SORL1: variants seen among roughly 807,000 people sequenced by gnomAD.
SORL1 encodes the protein sortilin-related receptor.
A neutral mutation model predicts 273.7 loss-of-function variants in SORL1; 127 were observed. The ratio of observed to expected loss-of-function variants is 0.46; its 90% CI spans 0.40 to 0.54. The LOEUF is 0.54. Among genes scored for constraint, SORL1 ranks in the 20% least tolerant of loss-of-function variants. The pLI is 0.00. For synonymous variants in SORL1, 1,031 were observed against 1,067.4 expected (o/e 0.97, Z 0.66); for missense variants, 2,494 against 2,846.1 (o/e 0.88, Z 2.81).
intron 3 of SORL1, 92 bp downstream of exon 3, chr11:121,478,335 C>T (rs558523270): frequency 4.0e-5 from 56 of 1,388,820 alleles, no homozygotes; most frequent in Non-Finnish European, 4.8e-5. Flanking sequence ...AGATGGCGCT[C>T]TCTGTGATCT....
intron 40 of SORL1, 41 bp from the exon 41 acceptor site, chr11:121,614,830 C>A: frequency 1.3e-6 from 2 of 1,563,866 alleles, no homozygotes; most frequent in South Asian, 2.2e-5. Context: ...TGACTAACAC[C>A]CCCAACTTCC....
At chr11:121,522,006 TC>T (rs1277305857) in intron 9 of SORL1, among the ~76,000 whole-genome samples, 1 of 152,218 alleles carries the variant, frequency 6.6e-6, no homozygotes, top group African/African-American at 2.4e-5. Flanking sequence ...CCAGACTGAA[TC>T]GCTTGAAGCC....
chr11:121,586,705 CGGGGGGGGG>C (rs55663874), intron 27 of SORL1, among the ~76,000 whole-genome samples: 4 of 102,130 alleles, frequency 3.9e-5, no homozygotes, highest in Non-Finnish European at 7.8e-5. Flanking sequence ...GGGGGGGGGG[CGGGGGGGGG>C]GCATTTTTAG....
intron 6 of SORL1, among the ~76,000 whole-genome samples, chr11:121,509,296 C>T (rs557758860): frequency 2.0e-5 from 3 of 152,216 alleles, no homozygotes; most frequent in South Asian, 4.1e-4. Context: ...AGCTGCCATG[C>T]AACTTTCAGT....
At chr11:121,615,088 G>A (rs753658677) in intron 41 of SORL1, 33 bp downstream of exon 41, 2 of 1,544,626 alleles carry the variant, frequency 1.3e-6, no homozygotes, top group Admixed American at 4.1e-5. Flanking sequence ...CACAAAGTGA[G>A]TGTGGACTGT....
chr11:121,550,519 A>G lies in SORL1; in HGVS notation c.2181-66A>G. The stretch of plus-strand genomic sequence containing the variant: ...GGCCGTGGGTAGTAAGTGTATTCCC[A>G]GCTGGGATGCCTTTGTGGCTATTCT... On this transcript the variant is annotated intron_variant, in intron 15 of 47. Coordinates refer to ENST00000260197, the MANE Select transcript of SORL1 (RefSeq NM_003105.6). The surrounding 1 kb of genome is among the most constrained non-coding windows in gnomAD (Gnocchi z 5.3). The G allele has an allele frequency of 7.2e-7, 1 of 1,394,120 alleles. No individual in the cohort carries two copies. The highest frequency in any genetic ancestry group is 1.0e-6 in the Non-Finnish European group (1 of 981,520). 86.4% of individuals were successfully genotyped at this position (1,394,120 alleles called of 1,614,324 possible).
chr11:121,549,682 G>A (rs917486789), intron 14 of SORL1, among the ~76,000 whole-genome samples: 8 of 146,638 alleles, frequency 5.5e-5, no homozygotes, highest in African/African-American at 2.0e-4. Context: ...ATTGGGAACT[G>A]GATCTGGCTA....
At chr11:121,569,163 ATGCCTG>A (rs532295454) in intron 22 of SORL1, among the ~76,000 whole-genome samples, 1,939 of 152,292 alleles carry the variant, frequency 0.013, 34 homozygotes, top group African/African-American at 0.044. Flanking sequence ...GTGATTTCCT[ATGCCTG>A]TCTTTACTTT....
intron 14 of SORL1, among the ~76,000 whole-genome samples, chr11:121,546,260 A>G (rs980153312): frequency 3.3e-5 from 5 of 152,188 alleles, no homozygotes; most frequent in African/African-American, 1.2e-4. Flanking sequence ...GATGAACCTT[A>G]TTCTATAATT....
At position 121,622,251 on chromosome 11, in the gene SORL1, C is replaced by T; in HGVS notation, c.6154C>T (p.His2052Tyr). Residue 2052 changes from histidine to tyrosine, a missense_variant, in exon 45 of 48, where the codon CAT becomes TAT. By Grantham distance (83) the His-to-Tyr change is moderately conservative. Transcript: ENST00000260197. ...GAAAAGCCTGGCTTTAAAGGAAAAGCATTTTAATGAAAGCAGGGTAAGTTC... is the reference window on the plus strand; with the variant it reads ...GAAAAGCCTGGCTTTAAAGGAAAAGTATTTTAATGAAAGCAGGGTAAGTTC... ...FWKSLALKEK[H>Y]FNESRGYEIH... is the part of the protein sequence containing the mutation. 6.2e-7 allele frequency: 1 copy of T among 1,602,880 alleles called. No homozygotes were observed. Among genetic ancestry groups the T allele is most frequent in the Non-Finnish European group, 8.5e-7 (1 of 1,170,752 alleles).
rs538576494 is a variant in SORL1 at position 121,452,914 on chromosome 11, A to G, written c.285+298A>G. ...GCAGGTATAGGAGGGGTGCAGCTTC[A>G]TTTTACATCTGGATAAAAAACGGGC... is the stretch of plus-strand genomic sequence containing the variant. On this transcript the variant is annotated intron_variant, in intron 1 of 47. Coordinates refer to ENST00000260197, the MANE Select transcript of SORL1 (RefSeq NM_003105.6). This position sits in a 1 kb window ranked among gnomAD's most constrained non-coding sequence, Gnocchi z 5.3. 13 of 338,954 alleles carry G rather than the reference A, an allele frequency of 3.8e-5. No individual in the cohort carries two copies. In the South Asian group the frequency reaches 5.0e-4, roughly 13 times the overall value. The allele number at this position is 338,954 out of a possible 1,614,324, so 21.0% of individuals were successfully genotyped here. A position where few individuals can be genotyped will look rare whatever the true frequency, so the allele number is the denominator to read the frequency against.
Position 121,625,262 on chromosome 11 carries a change from G to C in SORL1, c.6349G>C (p.Asp2117His). 6.2e-7 allele frequency: 1 copy of C among 1,612,854 alleles called. No homozygotes were observed. The highest frequency in any genetic ancestry group is 8.5e-7 in the Non-Finnish European group (1 of 1,179,464). Reference protein sequence around the residue: ...ICGEPAILLYDELGSGADASA... With the variant: ...ICGEPAILLYHELGSGADASA... ...TGGGGAGCCTGCCATCCTGCTGTAC[G>C]ATGAGCTGGGGTCTGGTGAGTTGCG... The change falls in exon 46 of 48, where the codon GAT becomes CAT. Residue 2117 changes from aspartate (D) to histidine (H), a missense_variant. By Grantham distance (81) the Asp-to-His change is moderately conservative. Transcript: ENST00000260197.
chr11:121,550,611 G>A lies in SORL1; in HGVS notation c.2207G>A (p.Cys736Tyr). 1 of 1,614,176 alleles carries A rather than the reference G, an allele frequency of 6.2e-7. No individual in the cohort carries two copies. Among genetic ancestry groups the A allele is most frequent in the Non-Finnish European group, 8.5e-7 (1 of 1,180,008 alleles). The change falls in exon 16 of 48, where the codon TGT (cysteine) becomes TAT (tyrosine). Residue 736 changes from cysteine to tyrosine, a missense_variant. Cys to Tyr is a radical substitution (Grantham distance 194, BLOSUM62 -2). Coordinates refer to ENST00000260197, the MANE Select transcript of SORL1 (RefSeq NM_003105.6). The surrounding 1 kb of genome is among the most constrained non-coding windows in gnomAD (Gnocchi z 5.3). ...RGYRKISGDT[C>Y]SGGDVEARLE... ...TACCGGAAGATTTCTGGGGACACTT[G>A]TAGCGGAGGAGATGTTGAAGCGCGA... is the stretch of plus-strand genomic sequence containing the variant.
chr11:121,495,659 C>G (rs1861618820), intron 5 of SORL1, among the ~76,000 whole-genome samples: 4 of 152,052 alleles, frequency 2.6e-5, no homozygotes, highest in African/African-American at 9.7e-5. Flanking sequence ...TTCCCATGGC[C>G]TTGGTGTTCT....
rs911443396 is a variant in SORL1, at chr11:121,550,486, A to G, written c.2181-99A>G. The stretch of plus-strand genomic sequence containing the variant: ...GTTCTAAAGAGAAATGAGTGGATGG[A>G]CTCTACTGGCCGTGGGTAGTAAGTG... On this transcript the variant is annotated intron_variant, in intron 15 of 47. Coordinates refer to ENST00000260197, the MANE Select transcript of SORL1 (RefSeq NM_003105.6). This position sits in a 1 kb window ranked among gnomAD's most constrained non-coding sequence, Gnocchi z 5.3. 1 of 935,030 alleles carries G rather than the reference A, an allele frequency of 1.1e-6. No homozygotes were observed. The allele number at this position is 935,030 out of a possible 1,614,324, so 57.9% of individuals were successfully genotyped here. A position where few individuals can be genotyped will look rare whatever the true frequency, so the allele number is the denominator to read the frequency against.
In SORL1 at chr11:121,627,634, G is replaced by A; in HGVS notation, c.6444G>A (p.Leu2148=). 1 of 1,614,172 alleles carries A rather than the reference G, an allele frequency of 6.2e-7. No homozygotes were observed. Among genetic ancestry groups the A allele is most frequent in the Non-Finnish European group, 8.5e-7 (1 of 1,180,018 alleles). ...AVVVPILFLI[L]LSLGVGFAIL... Reference sequence around the variant, plus strand: ...TGGTGCCCATCTTATTCCTGATACTGCTGAGCCTGGGGGTGGGGTTTGCCA... The same window carrying A: ...TGGTGCCCATCTTATTCCTGATACTACTGAGCCTGGGGGTGGGGTTTGCCA... The change falls in exon 47 of 48, where the codon CTG becomes CTA. Residue 2148 remains leucine (L), a synonymous_variant. Coordinates refer to ENST00000260197, the MANE Select transcript of SORL1 (RefSeq NM_003105.6). The surrounding 1 kb of genome is among the most constrained non-coding windows in gnomAD (Gnocchi z 4.9).
chr11:121,631,165 AG>A lies in SORL1; in HGVS notation c.*1605del, dbSNP rs1245306264. The A allele has an allele frequency of 6.6e-6, 1 of 152,266 alleles. No homozygotes were observed. The highest frequency in any genetic ancestry group is 1.5e-5 in the Non-Finnish European group (1 of 68,060). The allele number at this position is 152,266 out of a possible 1,614,324, so 9.4% of individuals were successfully genotyped here. ...GTGATAATATAGTTTCATTCTACTT[AG>A]GGATTGTTTAGAAAACAAAGAAAGA... On this transcript the variant is annotated 3_prime_UTR_variant, in exon 48 of 48. Transcript: ENST00000260197.
At chr11:121,583,195 G>A (rs1433495972) in intron 25 of SORL1, among the ~76,000 whole-genome samples, 1 of 152,182 alleles carries the variant, frequency 6.6e-6, no homozygotes, top group Non-Finnish European at 1.5e-5. Context: ...TTGTCGTGAA[G>A]AGCAAGTGAT....
At chr11:121,501,128 A>AG (rs1861702283) in intron 6 of SORL1, among the ~76,000 whole-genome samples, 1 of 152,208 alleles carries the variant, frequency 6.6e-6, no homozygotes, top group African/African-American at 2.4e-5. Context: ...AATGCTTATA[A>AG]CTCTCATACG....
Sources: allele counts gnomAD v4.1 joint callset (sites outside exome capture counted in the v4.1 genomes callset), GRCh38; gene constraint gnomAD v4.1.1; non-coding constraint Gnocchi (gnomAD v3.1); transcripts MANE v1.5; gene names NCBI Gene and HGNC (gene_info 2026-07-23, HGNC 2026-07-21).